The following KATNAL2 variants were observed in gnomAD, a reference collection of about 807,000 sequenced individuals.
KATNAL2 encodes katanin catalytic subunit A1 like 2.
KATNAL2 carries 52 observed loss-of-function variants against 76.3 expected under a neutral mutation model. The ratio of observed to expected loss-of-function variants is 0.68; its 90% CI spans 0.55 to 0.86. KATNAL2 has a LOEUF of 0.86. Ranked by LOEUF, KATNAL2 falls within the 40% of genes least tolerant of loss-of-function variation. The pLI is 0.00. For missense variants in KATNAL2, 660 were observed against 668.9 expected (o/e 0.99, Z 0.15); for synonymous variants, 243 against 244.2 (o/e 1.00, Z 0.05).
chr18:47,029,103 TCTGA>T (rs1330064497), intron 3 of KATNAL2: 2 of 1,025,770 alleles, frequency 1.9e-6, no homozygotes, highest in Non-Finnish European at 2.6e-6. Flanking sequence ...CTGCAGCCTC[TCTGA>T]CTGGCTTTCC....
intron 6 of KATNAL2, among the ~76,000 whole-genome samples, chr18:47,054,939 A>T (rs6507719): frequency 0.47 from 71,930 of 152,204 alleles, 16,989 homozygotes; most frequent in Admixed American, 0.56. Flanking sequence ...AGTCCTGACC[A>T]GTGGGGACCC....
chr18:47,068,195 T>C (rs906484916), intron 11 of KATNAL2, among the ~76,000 whole-genome samples: 4 of 152,244 alleles, frequency 2.6e-5, no homozygotes, highest in Admixed American at 6.5e-5. Flanking sequence ...CATTTCTTGA[T>C]GAAAGGAGCT....
At chr18:47,088,053 C>CG (rs1001281863) in intron 15 of KATNAL2, among the ~76,000 whole-genome samples, 18 of 152,102 alleles carry the variant, frequency 1.2e-4, no homozygotes, top group African/African-American at 3.9e-4. Flanking sequence ...ACTCTAAGGT[C>CG]GGGGGGCAGT....
intron 15 of KATNAL2, among the ~76,000 whole-genome samples, chr18:47,086,804 G>C (rs1294824099): frequency 6.6e-6 from 1 of 152,192 alleles, no homozygotes; most frequent in African/African-American, 2.4e-5. Flanking sequence ...AGGTCCAGTG[G>C]GGAAGGCACA....
At chr18:47,055,414 C>T (rs560051463) in intron 6 of KATNAL2, among the ~76,000 whole-genome samples, 3 of 152,274 alleles carry the variant, frequency 2.0e-5, no homozygotes, top group Non-Finnish European at 2.9e-5. Flanking sequence ...GTTATGCCTC[C>T]GCTACATTTC....
chr18:46,920,162 G>T, intron 1 of KATNAL2: 1 of 983,296 alleles, frequency 1.0e-6, no homozygotes, highest in Non-Finnish European at 1.4e-6. Context: ...AAGAGTTCTA[G>T]GTGCTGCCCT....
At chr18:47,085,184 A>T (rs952598089) in intron 15 of KATNAL2, among the ~76,000 whole-genome samples, 1 of 152,164 alleles carries the variant, frequency 6.6e-6, no homozygotes, top group African/African-American at 2.4e-5. Flanking sequence ...GCTCATGGAG[A>T]GTCCCCAGCA....
In KATNAL2 at chr18:46,949,057, C is replaced by G. The variant is rs531659201; in HGVS notation, c.51+2134C>G. On this transcript the variant is annotated intron_variant, in intron 3 of 17. Coordinates refer to ENST00000683218, the MANE Select transcript of KATNAL2 (RefSeq NM_001387690.1). ...AACTACAGGCATGCAACACCATGCCCGGCTAATTTTTCTGTATATTTAGTA... is the reference window on the plus strand; with the variant it reads ...AACTACAGGCATGCAACACCATGCCGGGCTAATTTTTCTGTATATTTAGTA... 5.3e-5 allele frequency among the ~76,000 whole-genome samples: 8 copies of G among 151,806 alleles called. No individual in the cohort carries two copies. The South Asian group carries it at 1.5e-3, about 28-fold the overall frequency.
At chr18:47,034,747 G>C (rs202180726) in intron 3 of KATNAL2, 3 of 1,612,820 alleles carry the variant, frequency 1.9e-6, no homozygotes, top group Middle Eastern at 1.9e-4. Flanking sequence ...AGCTGTGCGC[G>C]TTGGAGAGGC....
At chr18:47,044,074 A>T (rs1451013141) in intron 3 of KATNAL2, among the ~76,000 whole-genome samples, 2 of 152,230 alleles carry the variant, frequency 1.3e-5, no homozygotes, top group African/African-American at 4.8e-5. Context: ...CAGAAGAAAC[A>T]GCTAAAATAA....
intron 1 of KATNAL2, among the ~76,000 whole-genome samples, chr18:46,929,342 A>G (rs2058834258): frequency 6.6e-6 from 1 of 151,938 alleles, no homozygotes; most frequent in Admixed American, 6.6e-5. Flanking sequence ...TTCTGGGTTC[A>G]AGCAATTCTC....
chr18:47,050,216 CGA>C, intron 4 of KATNAL2, among the ~76,000 whole-genome samples: 1 of 151,904 alleles, frequency 6.6e-6, no homozygotes, highest in South Asian at 2.1e-4. Flanking sequence ...TCTTTAGAGA[CGA>C]GTTTTCCACA....
Position 47,058,221 on chromosome 18 carries a change from G to T in KATNAL2, c.333-14G>T, listed in dbSNP as rs749658757. On this transcript the variant is annotated splice_polypyrimidine_tract_variant and intron_variant, in intron 6 of 17. Coordinates refer to ENST00000683218, the MANE Select transcript of KATNAL2 (RefSeq NM_001387690.1). ...TAGAATAATTTCTTCCAAGGTCTTT[G>T]TTCCCTCCCTTAGGATGATGAACGA... The T allele has an allele frequency of 5.8e-6, 9 of 1,552,840 alleles. No individual in the cohort carries two copies. The highest frequency in any genetic ancestry group is 7.1e-6 in the Non-Finnish European group (8 of 1,125,068).
intron 15 of KATNAL2, chr18:47,084,516 C>A: frequency 3.1e-6 from 2 of 639,094 alleles, no homozygotes; most frequent in South Asian, 1.8e-5. Flanking sequence ...AAAGACAGTT[C>A]AACTGGTTTC....
chr18:47,057,995 AG>A (rs2061518103), intron 6 of KATNAL2, among the ~76,000 whole-genome samples: 1 of 152,200 alleles, frequency 6.6e-6, no homozygotes, highest in Non-Finnish European at 1.5e-5. Flanking sequence ...AGGGAAATGA[AG>A]AGGGTGAGTT....
chr18:46,932,673 C>CAAAAAA (rs1162695359), intron 1 of KATNAL2, among the ~76,000 whole-genome samples: 24 of 42,856 alleles, frequency 5.6e-4, no homozygotes, highest in African/African-American at 1.8e-3. Flanking sequence ...GACTCTGTCT[C>CAAAAAA]AAAAAAAAAA....
intron 1 of KATNAL2, among the ~76,000 whole-genome samples, chr18:46,943,123 C>T (rs114456967): frequency 0.013 from 1,948 of 152,098 alleles, 38 homozygotes; most frequent in African/African-American, 0.043. Context: ...TTGTTCTTTC[C>T]GCGTTTTTTG....
chr18:47,083,775 G>C (rs1207270922), intron 15 of KATNAL2, among the ~76,000 whole-genome samples: 1 of 152,174 alleles, frequency 6.6e-6, no homozygotes, highest in African/African-American at 2.4e-5. Context: ...CTTGATTGTT[G>C]AGTATTCACA....
chr18:46,931,584 C>T (rs761317134), intron 1 of KATNAL2, among the ~76,000 whole-genome samples: 1 of 151,540 alleles, frequency 6.6e-6, no homozygotes, highest in African/African-American at 2.4e-5. Flanking sequence ...ATTCAGGAGG[C>T]GGAGGTTGCA....
Sources: gnomAD v4.1 joint callset for allele counts (sites outside exome capture counted in the v4.1 genomes callset) on GRCh38, gnomAD v4.1.1 for gene constraint, MANE v1.5 for transcripts, NCBI Gene and HGNC (gene_info 2026-07-23, HGNC 2026-07-21) for gene names.